Variants in CUX2 observed in about 807,000 individuals in gnomAD.
The protein encoded by CUX2 is cut like homeobox 2.
In CUX2, 40 loss-of-function variants were observed where a neutral mutation model predicts 144.8. The ratio of observed to expected loss-of-function variants is 0.28; its 90% CI spans 0.21 to 0.36. The LOEUF (loss-of-function observed/expected upper bound fraction) is 0.36, where lower values mean the gene tolerates loss of function less well. Ranked by LOEUF, CUX2 falls within the 10% of genes least tolerant of loss-of-function variation. The pLI, the probability that CUX2 is intolerant of heterozygous loss-of-function variation, is 1.00. For synonymous variants in CUX2, 827 were observed against 875.6 expected (o/e 0.94, Z 0.98); for missense variants, 1,615 against 1,994.0 (o/e 0.81, Z 3.62).
chr12:111,347,999 A>T lies in CUX2; in HGVS notation c.4135A>T (p.Ser1379Cys). 1 of 1,614,008 alleles carries T rather than the reference A, an allele frequency of 6.2e-7. No homozygotes were observed. The highest frequency in any genetic ancestry group is 1.1e-5 in the South Asian group (1 of 91,082). ...AGERLHPDPL[S>C]FKSASESSRC... is the part of the protein sequence containing the mutation. ...GGAGCGACTTCACCCGGACCCTTTA[A>T]GTTTTAAGTCAGCCTCAGAGTCCTC... The change falls in exon 22 of 22, where the codon AGT becomes TGT. Residue 1379 changes from serine (S) to cysteine (C), a missense_variant. Ser to Cys is a moderately radical substitution (Grantham distance 112, BLOSUM62 -1). Transcript: ENST00000261726.
chr12:111,056,220 G>A (rs1870517578), intron 1 of CUX2, among the ~76,000 whole-genome samples: 1 of 152,210 alleles, frequency 6.6e-6, no homozygotes, highest in African/African-American at 2.4e-5. Flanking sequence ...ATGTGTGACT[G>A]CATGTGTCTC....
intron 3 of CUX2, among the ~76,000 whole-genome samples, chr12:111,247,318 A>G (rs1384907006): frequency 6.6e-6 from 1 of 152,224 alleles, no homozygotes; most frequent in East Asian, 1.9e-4. Flanking sequence ...CACACTCCAC[A>G]GATACGTCCA....
chr12:111,247,203 C>T (rs757372302), intron 3 of CUX2, among the ~76,000 whole-genome samples: 46 of 152,112 alleles, frequency 3.0e-4, no homozygotes, highest in Non-Finnish European at 4.6e-4. Context: ...TAGCGAGCAC[C>T]GCACGTGGAA....
chr12:111,204,902 T>A (rs1345361534), intron 1 of CUX2, among the ~76,000 whole-genome samples: 1 of 152,198 alleles, frequency 6.6e-6, no homozygotes, highest in Non-Finnish European at 1.5e-5. Context: ...GCTTGGCTCT[T>A]TGATCCGAAT....
chr12:111,289,169 A>G lies in CUX2; in HGVS notation c.302-2249A>G, dbSNP rs545783912. On this transcript the variant is annotated intron_variant, in intron 4 of 21. Transcript: ENST00000261726. The surrounding 1 kb of genome is among the most constrained non-coding windows in gnomAD (Gnocchi z 4.1). ...AGAAAATTCTGGGGGAGAGACCAGG[A>G]AGAGACAGGGCTTCCATGCATTAGA... 6.6e-6 allele frequency among the ~76,000 whole-genome samples: 1 copy of G among 152,268 alleles called. No individual in the cohort carries two copies. The highest frequency in any genetic ancestry group is 2.4e-5 in the African/African-American group (1 of 41,558).
intron 3 of CUX2, among the ~76,000 whole-genome samples, chr12:111,219,064 G>A (rs911973956): frequency 6.6e-6 from 1 of 152,104 alleles, no homozygotes; most frequent in African/African-American, 2.4e-5. Flanking sequence ...GGCCGTACTC[G>A]GATCTCACCA....
intron 3 of CUX2, 54 bp downstream of exon 3, chr12:111,217,991 C>CCT: frequency 6.3e-7 from 1 of 1,597,638 alleles, no homozygotes; most frequent in South Asian, 1.1e-5. Flanking sequence ...GGCTCCCCCT[C>CCT]CTATCCCACC....
rs1396702295 is a variant in CUX2, at chr12:111,304,729, G to A, written c.858+415G>A. On this transcript the variant is annotated intron_variant, in intron 10 of 21. Coordinates refer to ENST00000261726, the MANE Select transcript of CUX2 (RefSeq NM_015267.4). This position sits in a 1 kb window ranked among gnomAD's most constrained non-coding sequence, Gnocchi z 4.7. Reference sequence around the variant, plus strand: ...GGCAATACAGCAGCATGCAGTTTTGGTGGCTGCCACCAGGTGTCGCTGTTG... The same window carrying A: ...GGCAATACAGCAGCATGCAGTTTTGATGGCTGCCACCAGGTGTCGCTGTTG... Among the ~76,000 whole-genome samples the A allele has an allele frequency of 6.6e-6, 1 of 152,138 alleles. No homozygotes were observed. The highest frequency in any genetic ancestry group is 1.5e-5 in the Non-Finnish European group (1 of 68,002).
rs78195058 is a variant in CUX2 at position 111,079,866 on chromosome 12, C to A, written c.63+45626C>A. Among the ~76,000 whole-genome samples the A allele has an allele frequency of 7.7e-3, 1,168 of 152,260 alleles. 20 individuals are homozygous for A. The highest frequency in any genetic ancestry group is 0.026 in the African/African-American group (1,091 of 41,544). ...CTCACTTCACAGCTCTCCCTGGTGA[C>A]AAGCAGGTGCCCACAATCATCTTAA... On this transcript the variant is annotated intron_variant, in intron 1 of 21. Coordinates refer to ENST00000261726, the MANE Select transcript of CUX2 (RefSeq NM_015267.4).
chr12:111,172,325 G>T (rs2136168715), intron 1 of CUX2, among the ~76,000 whole-genome samples: 1 of 152,292 alleles, frequency 6.6e-6, no homozygotes, highest in East Asian at 1.9e-4. Context: ...TAAAAAATCA[G>T]CAGGGTTGAG....
chr12:111,233,769 A>G (rs74409896), intron 3 of CUX2, among the ~76,000 whole-genome samples: 1,729 of 152,320 alleles, frequency 0.011, 19 homozygotes, highest in Non-Finnish European at 0.017. Flanking sequence ...TCACATACTG[A>G]GAAGTTGAAG....
At position 111,298,512 on chromosome 12, in the gene CUX2, T is replaced by G. The variant is rs751333910; in HGVS notation, c.705-29T>G. ...GGGGCCTGGAGCCCGCCGGAAGCCC[T>G]TCCTCAGGGCCTCATCTTTGTGTCT... On this transcript the variant is annotated intron_variant, in intron 8 of 21. Coordinates refer to ENST00000261726, the MANE Select transcript of CUX2 (RefSeq NM_015267.4). 8 of 1,559,846 alleles carry G rather than the reference T, an allele frequency of 5.1e-6. No homozygotes were observed. The African/African-American group carries it at 1.1e-4, about 21-fold the overall frequency.
chr12:111,332,038 C>G (rs1888140133), intron 18 of CUX2, among the ~76,000 whole-genome samples: 1 of 151,394 alleles, frequency 6.6e-6, no homozygotes, highest in Admixed American at 6.6e-5. Flanking sequence ...AAGATCATGC[C>G]ACTGCACTCC....
intron 1 of CUX2, among the ~76,000 whole-genome samples, chr12:111,165,316 C>T (rs924963491): frequency 3.9e-5 from 6 of 152,138 alleles, no homozygotes; most frequent in Admixed American, 3.3e-4. Flanking sequence ...CATGGTGACC[C>T]ACATGGCAGG....
chr12:111,315,091 G>A (rs992909383), intron 16 of CUX2, among the ~76,000 whole-genome samples: 4 of 152,074 alleles, frequency 2.6e-5, no homozygotes, highest in African/African-American at 9.7e-5. Context: ...TATATTCAGG[G>A]TCTAGGAGTT....
rs1483323574 is a variant in CUX2 at position 111,291,566 on chromosome 12, C to T, written c.436+14C>T. On this transcript the variant is annotated intron_variant, in intron 5 of 21. Coordinates refer to ENST00000261726, the MANE Select transcript of CUX2 (RefSeq NM_015267.4). ...TCAGCCCCAAAGGTACTGATAAGGC[C>T]TTCTCGGAGCGTCTACAATAAACAA... is the stretch of plus-strand genomic sequence containing the variant. The T allele has an allele frequency of 1.9e-6, 3 of 1,586,116 alleles. No homozygotes were observed. In the Admixed American group the frequency reaches 5.5e-5, roughly 29 times the overall value.
At chr12:111,184,180 T>C (rs547459784) in intron 1 of CUX2, among the ~76,000 whole-genome samples, 1 of 152,338 alleles carries the variant, frequency 6.6e-6, no homozygotes, top group South Asian at 2.1e-4. Flanking sequence ...AGTCCTTCTT[T>C]GTCTAAGAAC....
intron 1 of CUX2, among the ~76,000 whole-genome samples, chr12:111,040,139 TA>T (rs1027004223): frequency 4.8e-4 from 73 of 151,100 alleles, no homozygotes; most frequent in African/African-American, 1.6e-3. Flanking sequence ...ATAAAAAAAT[TA>T]GCTGGACATG....
intron 1 of CUX2, among the ~76,000 whole-genome samples, chr12:111,084,346 C>T (rs980774880): frequency 1.3e-5 from 2 of 152,164 alleles, no homozygotes; most frequent in Non-Finnish European, 2.9e-5. Flanking sequence ...CCCCAGATGT[C>T]CCCTGTCCCC....
Sources: allele counts gnomAD v4.1 joint callset (sites outside exome capture counted in the v4.1 genomes callset), GRCh38; gene constraint gnomAD v4.1.1; non-coding constraint Gnocchi (gnomAD v3.1); transcripts MANE v1.5; gene names NCBI Gene and HGNC (gene_info 2026-07-23, HGNC 2026-07-21).